The following CMSS1 variants were observed in gnomAD, a reference collection of about 807,000 sequenced individuals.
CMSS1 encodes the protein cms1 ribosomal small subunit homolog.
Under a neutral mutation model 43.5 loss-of-function variants are expected in CMSS1, and 33 were observed. That is an observed-to-expected ratio of 0.76 (90% CI 0.57 to 1.01). CMSS1 has a LOEUF of 1.01. Ranked by LOEUF, CMSS1 falls within the 50% of genes least tolerant of loss-of-function variation. The pLI is 0.00. For synonymous variants in CMSS1, 115 were observed against 117.2 expected (o/e 0.98, Z 0.12); for missense variants, 313 against 326.4 (o/e 0.96, Z 0.32).
At chr3:100,159,880 A>G (rs1226241694) in intron 2 of CMSS1, 1 of 456,668 alleles carries the variant, frequency 2.2e-6, no homozygotes, top group Non-Finnish European at 4.4e-6. Flanking sequence ...TGTAGTCATT[A>G]TAGCAAAGGC....
At chr3:100,049,415 T>C (rs1444269711) in intron 1 of CMSS1, among the ~76,000 whole-genome samples, 2 of 152,182 alleles carry the variant, frequency 1.3e-5, no homozygotes, top group Non-Finnish European at 2.9e-5. Context: ...CTCAGCATTA[T>C]AAGGGAGGTT....
intron 1 of CMSS1, among the ~76,000 whole-genome samples, chr3:100,118,871 A>G (rs2066597416): frequency 6.6e-6 from 1 of 152,184 alleles, no homozygotes; most frequent in Non-Finnish European, 1.5e-5. Flanking sequence ...AACAGAACAC[A>G]TTCTCTAAAG....
chr3:100,051,985 T>A (rs1472492691), intron 1 of CMSS1, among the ~76,000 whole-genome samples: 1 of 150,496 alleles, frequency 6.6e-6, no homozygotes, highest in East Asian at 1.9e-4. Flanking sequence ...TAAATATAAA[T>A]GTGATAAATA....
intron 1 of CMSS1, chr3:99,830,350 T>C (rs988332088): frequency 8.6e-5 from 31 of 361,954 alleles, no homozygotes; most frequent in Non-Finnish European, 1.6e-4. Flanking sequence ...CCTTTCATAG[T>C]GGTAATTTTA....
chr3:99,832,962 G>A (rs544287815), intron 1 of CMSS1, among the ~76,000 whole-genome samples: 48 of 150,772 alleles, frequency 3.2e-4, no homozygotes, highest in African/African-American at 1.2e-3. Context: ...TTTATAGAGC[G>A]TTATGTCAAA....
intron 1 of CMSS1, among the ~76,000 whole-genome samples, chr3:99,901,608 A>G (rs1167084195): frequency 6.6e-6 from 1 of 152,236 alleles, no homozygotes; most frequent in East Asian, 1.9e-4. Flanking sequence ...CATAGTTTAC[A>G]CTGCTTAAAT....
intron 1 of CMSS1, among the ~76,000 whole-genome samples, chr3:99,961,871 G>A (rs1708502983): frequency 6.7e-6 from 1 of 149,982 alleles, no homozygotes; most frequent in African/African-American, 2.5e-5. Flanking sequence ...CACAAACCGG[G>A]TATGCATTAG....
At chr3:100,104,350 A>T (rs950764592) in intron 1 of CMSS1, among the ~76,000 whole-genome samples, 2 of 152,216 alleles carry the variant, frequency 1.3e-5, no homozygotes. Flanking sequence ...CCCGTTAACT[A>T]CATCAGTTGT....
intron 1 of CMSS1, among the ~76,000 whole-genome samples, chr3:99,991,860 G>C (rs922011994): frequency 7.6e-6 from 1 of 131,528 alleles, no homozygotes; most frequent in Non-Finnish European, 1.7e-5. Flanking sequence ...GTGTGTGTAT[G>C]TGTATATATA....
intron 1 of CMSS1, among the ~76,000 whole-genome samples, chr3:100,001,605 G>A (rs939249505): frequency 1.3e-5 from 2 of 152,166 alleles, no homozygotes; most frequent in African/African-American, 4.8e-5. Context: ...TGGGGAGGGA[G>A]TGGGAGACAT....
chr3:99,856,338 A>G (rs989599201), intron 1 of CMSS1, among the ~76,000 whole-genome samples: 3 of 152,216 alleles, frequency 2.0e-5, no homozygotes, highest in African/African-American at 4.8e-5. Flanking sequence ...TTGATCCCTT[A>G]AATCTCTCCA....
chr3:99,850,483 T>G (rs768817482), intron 1 of CMSS1: 1 of 1,613,780 alleles, frequency 6.2e-7, no homozygotes, highest in Non-Finnish European at 8.5e-7. Context: ...CTTATTGAGA[T>G]CTCTGCACTG....
chr3:100,142,243 G>C (rs1385869710), intron 1 of CMSS1, among the ~76,000 whole-genome samples: 2 of 151,974 alleles, frequency 1.3e-5, no homozygotes, highest in African/African-American at 4.8e-5. Context: ...GTTACAGTCA[G>C]CCCTCCATAT....
Position 100,178,283 on chromosome 3 carries a change from TCCCCCC to T in CMSS1, c.757-21_757-16del. 2 of 1,516,590 alleles carry T rather than the reference TCCCCCC, an allele frequency of 1.3e-6. No individual in the cohort carries two copies. Among genetic ancestry groups the T allele is most frequent in the Admixed American group, 3.4e-5 (2 of 59,152 alleles). 93.9% of individuals were successfully genotyped at this position (1,516,590 alleles called of 1,614,324 possible). ...TTTTGGCTTGATCTTAATCTTTTTTTCCCCCCTTTTCTCTCATTTAGATAAGAAAGG... is the reference window on the plus strand; with the variant it reads ...TTTTGGCTTGATCTTAATCTTTTTTTTTTTCTCTCATTTAGATAAGAAAGG... On this transcript the variant is annotated splice_polypyrimidine_tract_variant and intron_variant, in intron 9 of 9. Transcript: ENST00000421999.
Position 99,843,405 on chromosome 3 carries a change from A to G in CMSS1, c.64+25362A>G, listed in dbSNP as rs1431891443. ...TTTAAATAAAAAGAAAACTTGGAGA[A>G]TAAACCTTCTGTTTGTCATGCCAGC... On this transcript the variant is annotated intron_variant, in intron 1 of 9. Transcript: ENST00000421999. Among the ~76,000 whole-genome samples, 5 of 152,348 alleles carry G rather than the reference A, an allele frequency of 3.3e-5. No homozygotes were observed. The South Asian group carries it at 6.2e-4, about 19-fold the overall frequency.
chr3:99,948,234 A>G (rs1319615198), intron 1 of CMSS1, among the ~76,000 whole-genome samples: 1 of 152,136 alleles, frequency 6.6e-6, no homozygotes, highest in South Asian at 2.1e-4. Context: ...TGTTTAGAAA[A>G]GAGAGTCTCA....
chr3:99,981,558 A>T (rs894339157), intron 1 of CMSS1, among the ~76,000 whole-genome samples: 2 of 152,218 alleles, frequency 1.3e-5, no homozygotes, highest in Non-Finnish European at 1.5e-5. Context: ...CACAGTGTAT[A>T]TCTATATACC....
At chr3:99,863,355 A>G (rs1392408423) in intron 1 of CMSS1, among the ~76,000 whole-genome samples, 1 of 152,130 alleles carries the variant, frequency 6.6e-6, no homozygotes, top group Non-Finnish European at 1.5e-5. Flanking sequence ...ATAGGCCTCA[A>G]ACTGGTACTG....
At chr3:100,094,727 G>T (rs1160290686) in intron 1 of CMSS1, among the ~76,000 whole-genome samples, 1 of 119,600 alleles carries the variant, frequency 8.4e-6, no homozygotes, top group Non-Finnish European at 1.6e-5. Context: ...TCTGTCACCC[G>T]AGCTGGAGTG....
Sources: gnomAD v4.1 joint callset for allele counts (sites outside exome capture counted in the v4.1 genomes callset) on GRCh38, gnomAD v4.1.1 for gene constraint, MANE v1.5 for transcripts, NCBI Gene and HGNC (gene_info 2026-07-23, HGNC 2026-07-21) for gene names.